The following SAMSN1 variants were observed in gnomAD, a reference collection of about 807,000 sequenced individuals.
The protein encoded by SAMSN1 is SAM domain-containing protein SAMSN-1.
A neutral mutation model predicts 42.0 loss-of-function variants in SAMSN1; 31 were observed. The observed-to-expected ratio is 0.74, with a 90% confidence interval of 0.55 to 1.00. The LOEUF (loss-of-function observed/expected upper bound fraction) is 1.00. SAMSN1 is among the 50% of genes least tolerant of loss of function. The pLI is 0.00. For synonymous variants in SAMSN1, 178 were observed against 151.9 expected (o/e 1.17, Z -1.26); for missense variants, 464 against 439.4 (o/e 1.06, Z -0.50).
intron 4 of SAMSN1, among the ~76,000 whole-genome samples, chr21:14,512,190 G>A (rs1440278988): frequency 1.3e-5 from 2 of 152,146 alleles, no homozygotes; most frequent in African/African-American, 4.8e-5. Flanking sequence ...CTCCTAATAT[G>A]GCTTTTTTGA....
intron 5 of SAMSN1, among the ~76,000 whole-genome samples, chr21:14,605,365 T>C (rs76539308): frequency 0.026 from 3,994 of 152,320 alleles, 105 homozygotes; most frequent in South Asian, 0.081. Context: ...TTTATTCCCA[T>C]CTTGTAAGCA....
intron 1 of SAMSN1, among the ~76,000 whole-genome samples, chr21:14,525,175 T>G (rs1229348912): frequency 6.6e-6 from 1 of 152,210 alleles, no homozygotes; most frequent in Non-Finnish European, 1.5e-5. Flanking sequence ...TGATCATCAA[T>G]GGCCACTAAA....
chr21:14,527,177 T>C (rs1299776080), intron 1 of SAMSN1, among the ~76,000 whole-genome samples: 1 of 152,230 alleles, frequency 6.6e-6, no homozygotes, highest in East Asian at 1.9e-4. Flanking sequence ...AAGATCAGAA[T>C]TCTGTTTCAG....
chr21:14,504,793 G>T (rs975740518), intron 5 of SAMSN1, among the ~76,000 whole-genome samples: 2 of 152,172 alleles, frequency 1.3e-5, no homozygotes, highest in East Asian at 3.8e-4. Flanking sequence ...TAGGCACATT[G>T]TCATCAGGTT....
upstream of SAMSN1, chr21:14,583,849 C>T (rs1981835900): frequency 2.2e-5 from 14 of 647,058 alleles, no homozygotes; most frequent in South Asian, 2.5e-4. Flanking sequence ...ATGTTGAGAT[C>T]ATAAATGTGG....
chr21:14,485,815 A>T lies in SAMSN1; in HGVS notation c.*97T>A. 1.0e-6 allele frequency: 1 copy of T among 954,266 alleles called. No homozygotes were observed. The highest frequency in any genetic ancestry group is 1.6e-6 in the Non-Finnish European group (1 of 611,852). 59.1% of individuals were successfully genotyped at this position (954,266 alleles called of 1,614,324 possible). A position where few individuals can be genotyped will look rare whatever the true frequency, so the allele number is the denominator to read the frequency against. The stretch of plus-strand genomic sequence containing the variant: ...AACATTTAAACTTTAGGTTTTATTT[A>T]CAAATATTTATCTTATCTTCCTCTC... On this transcript the variant is annotated 3_prime_UTR_variant, in exon 8 of 8. Coordinates refer to ENST00000400566, the MANE Select transcript of SAMSN1 (RefSeq NM_022136.5).
chr21:14,531,892 G>A (rs1979288933), intron 1 of SAMSN1, among the ~76,000 whole-genome samples: 2 of 152,184 alleles, frequency 1.3e-5, no homozygotes, highest in Admixed American at 6.5e-5. Context: ...TGGGTACACA[G>A]TAACCTTTCT....
intron 7 of SAMSN1, among the ~76,000 whole-genome samples, chr21:14,490,312 G>A (rs995188641): frequency 3.9e-5 from 6 of 152,210 alleles, no homozygotes; most frequent in African/African-American, 1.4e-4. Flanking sequence ...AAATTCATAT[G>A]AGAATACCTC....
chr21:14,562,947 CCTAAGT>C (rs1980992460), intron 2 of SAMSN1, among the ~76,000 whole-genome samples: 1 of 152,112 alleles, frequency 6.6e-6, no homozygotes, highest in African/African-American at 2.4e-5. Context: ...CTCTGATGTT[CCTAAGT>C]CTATGTACTC....
rs1987947108 is a variant in SAMSN1, at chr21:14,516,961, C to T, written c.210G>A (p.Met70Ile). Residue 70 changes from methionine to isoleucine, a missense_variant, in exon 3 of 8, where the codon ATG (methionine) becomes ATA (isoleucine). Transcript: ENST00000400566. ...TCTTCATTGTCCATGAAATAGCTCT[C>T]ATTTTTTTACCCAAACCGCCTCCAT... ...SNNGGGLGKK[M>I]RAISWTMKKK... 1 of 1,613,414 alleles carries T rather than the reference C, an allele frequency of 6.2e-7. No homozygotes were observed. Among genetic ancestry groups the T allele is most frequent in the Non-Finnish European group, 8.5e-7 (1 of 1,179,542 alleles).
chr21:14,551,703 T>A (rs577338287), intron 2 of SAMSN1, among the ~76,000 whole-genome samples: 1 of 152,116 alleles, frequency 6.6e-6, no homozygotes, highest in Admixed American at 6.6e-5. Flanking sequence ...ATGACTGTCA[T>A]CTTGAGTGTT....
intron 2 of SAMSN1, among the ~76,000 whole-genome samples, chr21:14,626,192 G>A (rs1345096816): frequency 6.6e-6 from 1 of 152,106 alleles, no homozygotes; most frequent in Non-Finnish European, 1.5e-5. Context: ...GAAAACCTAG[G>A]CATTACCATT....
chr21:14,610,932 T>G (rs969293476), intron 4 of SAMSN1, among the ~76,000 whole-genome samples: 1 of 152,204 alleles, frequency 6.6e-6, no homozygotes, highest in Non-Finnish European at 1.5e-5. Context: ...AACCAATTAT[T>G]ATTACTTTTC....
At chr21:14,651,640 C>T (rs1440098548) in intron 1 of SAMSN1, among the ~76,000 whole-genome samples, 1 of 151,882 alleles carries the variant, frequency 6.6e-6, no homozygotes, top group Non-Finnish European at 1.5e-5. Context: ...ACCTGGCTCA[C>T]CAGTGTTATT....
chr21:14,576,916 C>G (rs1981484338), intron 2 of SAMSN1, among the ~76,000 whole-genome samples: 1 of 151,830 alleles, frequency 6.6e-6, no homozygotes. Context: ...TTTGCCTCTT[C>G]CTGAAAGATC....
At chr21:14,513,052 T>C (rs1213649500) in intron 3 of SAMSN1, among the ~76,000 whole-genome samples, 1 of 152,234 alleles carries the variant, frequency 6.6e-6, no homozygotes, top group East Asian at 1.9e-4. Flanking sequence ...AACATGTACA[T>C]TTTGCAATTC....
At chr21:14,512,630 A>G in intron 3 of SAMSN1, 57 bp from the exon 4 acceptor site, 2 of 1,483,468 alleles carry the variant, frequency 1.3e-6, no homozygotes, top group Non-Finnish European at 1.9e-6. Context: ...AGAGATGTAC[A>G]TTGAGTACAT....
intron 5 of SAMSN1, among the ~76,000 whole-genome samples, chr21:14,509,449 G>A (rs950742385): frequency 6.6e-6 from 1 of 152,206 alleles, no homozygotes; most frequent in African/African-American, 2.4e-5. Context: ...ATAGAGTGCA[G>A]TGTATACTGC....
intron 2 of SAMSN1, among the ~76,000 whole-genome samples, chr21:14,518,895 A>G (rs10482855): frequency 0.04 from 6,090 of 152,280 alleles, 154 homozygotes; most frequent in Non-Finnish European, 0.064. Flanking sequence ...CTCTGTCTTC[A>G]TTATAAAATT....
Sources: allele counts gnomAD v4.1 joint callset (sites outside exome capture counted in the v4.1 genomes callset), GRCh38; gene constraint gnomAD v4.1.1; transcripts MANE v1.5; gene names NCBI Gene and HGNC (gene_info 2026-07-23, HGNC 2026-07-21).